The following SIK2 variants were observed in gnomAD, a reference collection of about 807,000 sequenced individuals.
The protein encoded by SIK2 is salt inducible kinase 2.
A neutral mutation model predicts 103.2 loss-of-function variants in SIK2; 29 were observed. That is an observed-to-expected ratio of 0.28 (90% CI 0.21 to 0.38). SIK2 has a LOEUF of 0.38. Among genes scored for constraint, SIK2 ranks in the 10% least tolerant of loss-of-function variants. The pLI is 1.00. For synonymous variants in SIK2, 412 were observed against 446.1 expected (o/e 0.92, Z 0.96); for missense variants, 879 against 1,171.0 (o/e 0.75, Z 3.64).
intron 4 of SIK2, among the ~76,000 whole-genome samples, chr11:111,694,790 G>A (rs1316205465): frequency 6.6e-6 from 1 of 152,024 alleles, no homozygotes; most frequent in Non-Finnish European, 1.5e-5. Context: ...CAAAGGGTTT[G>A]GTTTGATTTG....
chr11:111,677,289 G>A (rs1265375595), intron 3 of SIK2, among the ~76,000 whole-genome samples: 1 of 152,160 alleles, frequency 6.6e-6, no homozygotes, highest in Non-Finnish European at 1.5e-5. Flanking sequence ...AGAAAACCCA[G>A]CTATTGTTCT....
At chr11:111,607,361 A>C (rs575939493) in intron 1 of SIK2, among the ~76,000 whole-genome samples, 3 of 152,248 alleles carry the variant, frequency 2.0e-5, no homozygotes, top group Non-Finnish European at 2.9e-5. Context: ...AAAGGTTTTC[A>C]GAATTGTTAA....
Position 111,700,963 on chromosome 11 carries a change from G to C in SIK2, c.556G>C (p.Glu186Gln). Reference sequence around the variant, plus strand: ...TGGCAGCCCCCCTTATGCAGCCCCAGAAGTCTTTGAAGGGCAGCAGTATGA... The same window carrying C: ...TGGCAGCCCCCCTTATGCAGCCCCACAAGTCTTTGAAGGGCAGCAGTATGA... ...WCGSPPYAAP[E>Q]VFEGQQYEGP... Residue 186 changes from glutamate (E) to glutamine (Q), a missense_variant, in exon 5 of 15, where the codon GAA (glutamate) becomes CAA (glutamine). By Grantham distance (29) the Glu-to-Gln change is conservative. This residue lies in a region of SIK2 where 126 missense variants were observed against 245.5 expected (regional missense o/e 0.51). Coordinates refer to ENST00000304987, the MANE Select transcript of SIK2 (RefSeq NM_015191.3). 6.2e-7 allele frequency: 1 copy of C among 1,614,078 alleles called. No homozygotes were observed.
Position 111,617,821 on chromosome 11 carries a change from GCC to G in SIK2, c.252+1463_252+1464del, listed in dbSNP as rs1274906215. On this transcript the variant is annotated intron_variant, in intron 2 of 14. Transcript: ENST00000304987. ...TGTTTATATATACGTCACCATATGTGCCATGTGTGTTTGTGTATGTGTGTGTG... is the reference window on the plus strand; with the variant it reads ...TGTTTATATATACGTCACCATATGTGATGTGTGTTTGTGTATGTGTGTGTG... Among the ~76,000 whole-genome samples, 33 of 151,806 alleles carry G rather than the reference GCC, an allele frequency of 2.2e-4. 1 individual carries two copies. In the South Asian group the frequency reaches 5.0e-3, roughly 23 times the overall value.
intron 3 of SIK2, 69 bp from the exon 4 acceptor site, chr11:111,687,932 T>A (rs1319763747): frequency 7.7e-6 from 12 of 1,557,224 alleles, no homozygotes; most frequent in Non-Finnish European, 1.0e-5. Flanking sequence ...AGGAAAAAAA[T>A]TTCCTGACTA....
chr11:111,722,553 G>T lies in SIK2; in HGVS notation c.2056-112G>T. On this transcript the variant is annotated intron_variant, in intron 13 of 14. Coordinates refer to ENST00000304987, the MANE Select transcript of SIK2 (RefSeq NM_015191.3). This position sits in a 1 kb window ranked among gnomAD's most constrained non-coding sequence, Gnocchi z 4.4. ...GTAAATGTCAGTCCCTTCACCCCGT[G>T]TGGATTCTGTAGAATGCAGTTAGAT... 2.0e-6 allele frequency: 2 copies of T among 1,022,842 alleles called. No individual in the cohort carries two copies. The highest frequency in any genetic ancestry group is 1.5e-5 in the South Asian group (1 of 66,594). 63.4% of individuals were successfully genotyped at this position (1,022,842 alleles called of 1,614,324 possible). A position where few individuals can be genotyped will look rare whatever the true frequency, so the allele number is the denominator to read the frequency against.
At chr11:111,658,773 A>G (rs1942429300) in intron 3 of SIK2, among the ~76,000 whole-genome samples, 4 of 152,012 alleles carry the variant, frequency 2.6e-5, no homozygotes, top group Admixed American at 2.6e-4. Context: ...GAATTAGGAG[A>G]TACTAGAGCC....
chr11:111,611,024 T>C (rs563564269), intron 1 of SIK2, among the ~76,000 whole-genome samples: 1 of 152,112 alleles, frequency 6.6e-6, no homozygotes, highest in Non-Finnish European at 1.5e-5. Flanking sequence ...GGCAAGAGGA[T>C]TACTTGAGCC....
At chr11:111,614,186 A>T (rs1941771190) in intron 1 of SIK2, among the ~76,000 whole-genome samples, 1 of 150,910 alleles carries the variant, frequency 6.6e-6, no homozygotes, top group Non-Finnish European at 1.5e-5. Flanking sequence ...GGTTCAAGCG[A>T]TTCTCCTGCC....
chr11:111,727,206 C>A lies in SIK2; in HGVS notation c.*3077C>A, dbSNP rs1051199867. 8 of 663,888 alleles carry A rather than the reference C, an allele frequency of 1.2e-5. No individual in the cohort carries two copies. The highest frequency in any genetic ancestry group is 5.4e-5 in the African/African-American group (3 of 55,820). The allele number at this position is 663,888 out of a possible 1,614,324, so 41.1% of individuals were successfully genotyped here. On this transcript the variant is annotated 3_prime_UTR_variant, in exon 15 of 15. Coordinates refer to ENST00000304987, the MANE Select transcript of SIK2 (RefSeq NM_015191.3). ...GGAAAAGGAGGCTGATGGTTCTCTA[C>A]ACCATCCACCTTGAGAATCCCTGCG...
chr11:111,667,569 G>A (rs930773939), intron 3 of SIK2, among the ~76,000 whole-genome samples: 1 of 145,542 alleles, frequency 6.9e-6, no homozygotes, highest in African/African-American at 2.6e-5. Context: ...TCAGCTCACT[G>A]CAACCTCCAC....
chr11:111,618,213 C>T (rs1385576044), intron 2 of SIK2, among the ~76,000 whole-genome samples: 1 of 152,154 alleles, frequency 6.6e-6, no homozygotes, highest in African/African-American at 2.4e-5. Flanking sequence ...TTTAATGCCA[C>T]TGCTGATCTG....
chr11:111,649,483 T>G (rs1942300918), intron 3 of SIK2, among the ~76,000 whole-genome samples: 2 of 152,034 alleles, frequency 1.3e-5, no homozygotes, highest in African/African-American at 2.4e-5. Flanking sequence ...CTTTTATACT[T>G]TTTTCCCTAA....
intron 4 of SIK2, among the ~76,000 whole-genome samples, chr11:111,694,282 A>T (rs1201135819): frequency 6.6e-6 from 1 of 152,204 alleles, no homozygotes; most frequent in East Asian, 1.9e-4. Flanking sequence ...ACCTTTTAGG[A>T]CCAAGGAAAG....
At chr11:111,662,230 A>T (rs1026072126) in intron 3 of SIK2, among the ~76,000 whole-genome samples, 4 of 152,222 alleles carry the variant, frequency 2.6e-5, no homozygotes, top group African/African-American at 9.6e-5. Flanking sequence ...TGGGATAAAG[A>T]AGATGTCACA....
intron 1 of SIK2, among the ~76,000 whole-genome samples, chr11:111,613,592 A>G (rs1342288903): frequency 6.6e-6 from 1 of 152,156 alleles, no homozygotes; most frequent in African/African-American, 2.4e-5. Flanking sequence ...GGTTTCTTTA[A>G]ATGTATTTAG....
rs1942130353 is a variant in SIK2 at position 111,637,845 on chromosome 11, T to A, written c.316+17443T>A. Among the ~76,000 whole-genome samples, 4 of 152,246 alleles carry A rather than the reference T, an allele frequency of 2.6e-5. 1 individual carries two copies. In the South Asian group the frequency reaches 8.3e-4, roughly 32 times the overall value. On this transcript the variant is annotated intron_variant, in intron 3 of 14. Coordinates refer to ENST00000304987, the MANE Select transcript of SIK2 (RefSeq NM_015191.3). ...CTTTGTATACTCTTTATCTTTCATT[T>A]GTATTTCATTTCTTCGTGTAGTCTT...
In SIK2 at chr11:111,702,350, T is replaced by TGAGGC. The variant is rs141828497; in HGVS notation, c.727+777_727+781dup. The stretch of plus-strand genomic sequence containing the variant: ...CTGTAAGTCCAGTGGTCTGGGAGGC[T>TGAGGC]GAGGCGGGAGGATCTCTTAAGGCCA... On this transcript the variant is annotated intron_variant, in intron 6 of 14. Transcript: ENST00000304987. 4.9e-3 allele frequency among the ~76,000 whole-genome samples: 748 copies of TGAGGC among 152,328 alleles called. 5 individuals are homozygous for TGAGGC. Among genetic ancestry groups the TGAGGC allele is most frequent in the African/African-American group, 0.017 (706 of 41,580 alleles).
chr11:111,650,498 G>T (rs1298695960), intron 3 of SIK2, among the ~76,000 whole-genome samples: 1 of 152,094 alleles, frequency 6.6e-6, no homozygotes, highest in Non-Finnish European at 1.5e-5. Flanking sequence ...TGCAGAAATT[G>T]TAATGATATG....
Sources: allele counts gnomAD v4.1 joint callset (sites outside exome capture counted in the v4.1 genomes callset), GRCh38; gene constraint gnomAD v4.1.1; regional missense constraint gnomAD v4.1.1; non-coding constraint Gnocchi (gnomAD v3.1); transcripts MANE v1.5; gene names NCBI Gene and HGNC (gene_info 2026-07-23, HGNC 2026-07-21).